The following ZNF592 variants were observed in gnomAD, a reference collection of about 807,000 sequenced individuals.
The protein encoded by ZNF592 is spinocerebellar ataxia, autosomal recessive 5.
In ZNF592, 11 loss-of-function variants were observed where a neutral mutation model predicts 80.3. The observed-to-expected ratio is 0.14, with a 90% confidence interval of 0.09 to 0.23. The LOEUF (loss-of-function observed/expected upper bound fraction) is 0.23, where lower values mean the gene tolerates loss of function less well. Among genes scored for constraint, ZNF592 ranks in the 10% least tolerant of loss-of-function variants. The pLI is 1.00. For missense variants in ZNF592, 1,420 were observed against 1,633.9 expected (o/e 0.87, Z 2.26); for synonymous variants, 646 against 640.3 (o/e 1.01, Z -0.13).
rs1596123524 is a variant in ZNF592 at position 84,783,405 on chromosome 15, T to G, written c.730T>G (p.Phe244Val). 6.2e-7 allele frequency: 1 copy of G among 1,613,734 alleles called. No individual in the cohort carries two copies. ...ATRFFGEALE[F>V]NSHPSNSIGE... The stretch of plus-strand genomic sequence containing the variant: ...TCGATTCTTCGGGGAAGCTTTGGAG[T>G]TCAACAGCCATCCTAGCAACAGTAT... The change falls in exon 4 of 11, where the codon TTC becomes GTC. Residue 244 changes from phenylalanine to valine, a missense_variant. Transcript: ENST00000560079. The surrounding 1 kb of genome is among the most constrained non-coding windows in gnomAD (Gnocchi z 5.0).
rs1963153688 is a variant in ZNF592, at chr15:84,803,305, G to C, written c.*912G>C. ...AAAAAATCTTCTCACCATGCAGGTA[G>C]GCTCTTGTATTCCTCTCCAAGTGAG... On this transcript the variant is annotated 3_prime_UTR_variant, in exon 11 of 11. Transcript: ENST00000560079. 1 of 152,628 alleles carries C rather than the reference G, an allele frequency of 6.6e-6. No individual in the cohort carries two copies. 9.5% of individuals were successfully genotyped at this position (152,628 alleles called of 1,614,324 possible).
At chr15:84,778,725 G>A (rs1036767808) in intron 3 of ZNF592, among the ~76,000 whole-genome samples, 2 of 152,182 alleles carry the variant, frequency 1.3e-5, no homozygotes, top group Non-Finnish European at 2.9e-5. Flanking sequence ...GGGGGTTTTG[G>A]GCGATGACTC....
chr15:84,775,560 G>A (rs1158833074), intron 2 of ZNF592, among the ~76,000 whole-genome samples: 1 of 152,148 alleles, frequency 6.6e-6, no homozygotes, highest in Non-Finnish European at 1.5e-5. Context: ...GGCCTCCTGA[G>A]TAGCTGGGTT....
rs184943923 is a variant in ZNF592, at chr15:84,785,464, A to T, written c.2220+569A>T. ...GTAGCTAGGACTCCAGGCATGTGCCACCACGCCTAGCTAATTTTTGTATTT... is the reference window on the plus strand; with the variant it reads ...GTAGCTAGGACTCCAGGCATGTGCCTCCACGCCTAGCTAATTTTTGTATTT... On this transcript the variant is annotated intron_variant, in intron 4 of 10. Transcript: ENST00000560079. Among the ~76,000 whole-genome samples the T allele has an allele frequency of 3.3e-5, 5 of 152,276 alleles. No individual in the cohort carries two copies. In the East Asian group the frequency reaches 9.6e-4, roughly 29 times the overall value.
At chr15:84,773,538 A>G (rs1458880143) in intron 2 of ZNF592, among the ~76,000 whole-genome samples, 1 of 152,106 alleles carries the variant, frequency 6.6e-6, no homozygotes, top group Non-Finnish European at 1.5e-5. Context: ...TCTCTTAGTA[A>G]AAAGGCCAGT....
At chr15:84,770,060 G>A (rs949904787) in intron 2 of ZNF592, among the ~76,000 whole-genome samples, 1 of 152,226 alleles carries the variant, frequency 6.6e-6, no homozygotes, top group African/African-American at 2.4e-5. Context: ...GAGAGATGAT[G>A]GTAGAGGTGG....
intron 2 of ZNF592, among the ~76,000 whole-genome samples, chr15:84,777,640 A>T (rs114637100): frequency 0.011 from 1,725 of 151,982 alleles, 39 homozygotes; most frequent in African/African-American, 0.04. Flanking sequence ...CATAGTTTGA[A>T]TAATTTTAAA....
intron 4 of ZNF592, among the ~76,000 whole-genome samples, chr15:84,790,456 T>G (rs1234155220): frequency 6.6e-6 from 1 of 152,180 alleles, no homozygotes; most frequent in Admixed American, 6.5e-5. Flanking sequence ...GGGGCGGAAC[T>G]GGTCTTTGAG....
At position 84,784,147 on chromosome 15, in the gene ZNF592, C is replaced by G; in HGVS notation, c.1472C>G (p.Ser491Cys). The change falls in exon 4 of 11, where the codon TCC becomes TGC. Residue 491 changes from serine to cysteine, a missense_variant. Physicochemically the swap from Ser to Cys is moderately radical, Grantham distance 112. Coordinates refer to ENST00000560079, the MANE Select transcript of ZNF592 (RefSeq NM_014630.3). The surrounding 1 kb of genome is among the most constrained non-coding windows in gnomAD (Gnocchi z 5.8). ...KKQQSTALQASTLAPANLLPK... is the reference protein window; with the variant it reads ...KKQQSTALQACTLAPANLLPK... Reference sequence around the variant, plus strand: ...CAACAGAGCACAGCACTGCAGGCATCCACCCTGGCCCCTGCCAACCTCCTG... The same window carrying G: ...CAACAGAGCACAGCACTGCAGGCATGCACCCTGGCCCCTGCCAACCTCCTG... 1 of 1,614,156 alleles carries G rather than the reference C, an allele frequency of 6.2e-7. No homozygotes were observed. The highest frequency in any genetic ancestry group is 8.5e-7 in the Non-Finnish European group (1 of 1,180,040).
At position 84,783,768 on chromosome 15, in the gene ZNF592, G is replaced by A; in HGVS notation, c.1093G>A (p.Ala365Thr). 6.2e-7 allele frequency: 1 copy of A among 1,614,188 alleles called. No homozygotes were observed. Residue 365 changes from alanine (A) to threonine (T), a missense_variant, in exon 4 of 11, where the codon GCT becomes ACT. Coordinates refer to ENST00000560079, the MANE Select transcript of ZNF592 (RefSeq NM_014630.3). This position sits in a 1 kb window ranked among gnomAD's most constrained non-coding sequence, Gnocchi z 5.0. ...CAGCAGCAAAGGCTCACCGTCTGTG[G>A]CTGCCAGCTCCCCACCAGCAATTCC... is the stretch of plus-strand genomic sequence containing the variant. ...DSSSKGSPSVAASSPPAIPKV... is the reference protein window; with the variant it reads ...DSSSKGSPSVTASSPPAIPKV...
intron 1 of ZNF592, among the ~76,000 whole-genome samples, chr15:84,758,585 A>G (rs907488492): frequency 2.6e-5 from 4 of 151,988 alleles, no homozygotes; most frequent in Non-Finnish European, 4.4e-5. Flanking sequence ...CGCCTGGCCT[A>G]TTATTCTTAA....
intron 3 of ZNF592, among the ~76,000 whole-genome samples, chr15:84,778,612 C>T (rs1466773864): frequency 5.9e-5 from 9 of 152,128 alleles, no homozygotes; most frequent in African/African-American, 1.7e-4. Context: ...CTCTAAGAGC[C>T]GGGGCTTTAC....
intron 3 of ZNF592, among the ~76,000 whole-genome samples, chr15:84,779,954 C>T (rs1463797575): frequency 6.6e-6 from 1 of 151,612 alleles, no homozygotes; most frequent in African/African-American, 2.4e-5. Flanking sequence ...TCTATTCTGC[C>T]CTTTCCCCTC....
At chr15:84,753,975 G>C (rs1899089757) in intron 1 of ZNF592, among the ~76,000 whole-genome samples, 1 of 152,166 alleles carries the variant, frequency 6.6e-6, no homozygotes, top group African/African-American at 2.4e-5. Context: ...TTATCCATTA[G>C]CTAATTACTT....
chr15:84,800,533 G>A (rs1963062768), intron 10 of ZNF592, among the ~76,000 whole-genome samples: 1 of 152,178 alleles, frequency 6.6e-6, no homozygotes, highest in Non-Finnish European at 1.5e-5. Context: ...GTAGGGGGGT[G>A]CTGTTCCACA....
intron 2 of ZNF592, among the ~76,000 whole-genome samples, chr15:84,773,927 A>G (rs1399857201): frequency 6.6e-6 from 1 of 152,246 alleles, no homozygotes; most frequent in Non-Finnish European, 1.5e-5. Context: ...GAATAAGGGC[A>G]GGATCACAAG....
intron 5 of ZNF592, among the ~76,000 whole-genome samples, chr15:84,792,303 A>G (rs538101358): frequency 2.2e-4 from 33 of 152,070 alleles, no homozygotes; most frequent in Non-Finnish European, 4.4e-4. Flanking sequence ...AGGCATTTGG[A>G]CATTTTCCAG....
At chr15:84,781,441 C>T (rs1962419848) in intron 3 of ZNF592, among the ~76,000 whole-genome samples, 1 of 145,284 alleles carries the variant, frequency 6.9e-6, no homozygotes, top group African/African-American at 2.6e-5. Context: ...GTGTGTATGT[C>T]TCCCTTTTGT....
chr15:84,783,050 C>T lies in ZNF592; in HGVS notation c.375C>T (p.Gly125=). 6.2e-7 allele frequency: 1 copy of T among 1,614,162 alleles called. No individual in the cohort carries two copies. Among genetic ancestry groups the T allele is most frequent in the Non-Finnish European group, 8.5e-7 (1 of 1,180,042 alleles). The change falls in exon 4 of 11, where the codon GGC becomes GGT. Residue 125 remains glycine (G), a synonymous_variant. Transcript: ENST00000560079. This position sits in a 1 kb window ranked among gnomAD's most constrained non-coding sequence, Gnocchi z 5.0. Reference sequence around the variant, plus strand: ...GAGACAGTGCCAGGAGTTTCCCTGGCAAACTGGAGCCTCCCAAGTCAGAGC... The same window carrying T: ...GAGACAGTGCCAGGAGTTTCCCTGGTAAACTGGAGCCTCCCAAGTCAGAGC... ...MNGDSARSFP[G]KLEPPKSEPL...
Sources: gnomAD v4.1 joint callset for allele counts (sites outside exome capture counted in the v4.1 genomes callset) on GRCh38, gnomAD v4.1.1 for gene constraint, Gnocchi (gnomAD v3.1) non-coding constraint, MANE v1.5 for transcripts, NCBI Gene and HGNC (gene_info 2026-07-23, HGNC 2026-07-21) for gene names.